The following BTBD8 variants were observed in gnomAD, a reference collection of about 807,000 sequenced individuals.
BTBD8 encodes BTB domain containing 8, also known as BTB/POZ domain-containing protein 8.
Under a neutral mutation model 162.9 loss-of-function variants are expected in BTBD8, and 110 were observed. That is an observed-to-expected ratio of 0.68 (90% confidence interval 0.58 to 0.79). The LOEUF (loss-of-function observed/expected upper bound fraction) is 0.79. Ranked by LOEUF, BTBD8 falls within the 30% of genes least tolerant of loss-of-function variation. BTBD8 has a pLI of 0.00. For missense variants in BTBD8, 1,905 were observed against 2,085.4 expected, an observed-to-expected ratio of 0.91 and a Z score of 1.68; for synonymous variants, 667 against 716.1, an observed-to-expected ratio of 0.93 and a Z score of 1.10.
chr1:92,080,510 C>G lies in BTBD8; in HGVS notation c.-62C>G. 1.3e-6 allele frequency: 2 copies of G among 1,590,346 alleles called. No homozygotes were observed. The highest frequency in any genetic ancestry group is 2.3e-5 in the South Asian group (2 of 87,812). The stretch of plus-strand genomic sequence containing the variant: ...TTCGGTCGGAAACGCCCCCTTCTTC[C>G]TCCTGGGCGGGGCAAGTGAGGCCAA... On this transcript the variant is annotated 5_prime_UTR_variant, in exon 1 of 18. Coordinates refer to ENST00000636805, the MANE Select transcript of BTBD8 (RefSeq NM_001376131.1).
intron 16 of BTBD8, among the ~76,000 whole-genome samples, chr1:92,179,796 A>T (rs1430731323): frequency 6.6e-6 from 1 of 152,204 alleles, no homozygotes; most frequent in Non-Finnish European, 1.5e-5. Context: ...ATGTTTGAAG[A>T]AAACAACTGC....
chr1:92,080,513 C>T lies in BTBD8; in HGVS notation c.-59C>T. On this transcript the variant is annotated 5_prime_UTR_variant, in exon 1 of 18. Coordinates refer to ENST00000636805, the MANE Select transcript of BTBD8 (RefSeq NM_001376131.1). ...GGTCGGAAACGCCCCCTTCTTCCTC[C>T]TGGGCGGGGCAAGTGAGGCCAAGTA... is the stretch of plus-strand genomic sequence containing the variant. The T allele has an allele frequency of 6.3e-7, 1 of 1,591,402 alleles. No individual in the cohort carries two copies. Among genetic ancestry groups the T allele is most frequent in the Non-Finnish European group, 8.5e-7 (1 of 1,173,198 alleles).
intron 9 of BTBD8, among the ~76,000 whole-genome samples, chr1:92,166,565 C>CA (rs781384141): frequency 4.6e-4 from 70 of 151,560 alleles, no homozygotes; most frequent in Admixed American, 8.6e-4. Flanking sequence ...GCTGAGATTA[C>CA]AGGCATGCAC....
At position 92,117,619 on chromosome 1, in the gene BTBD8, A is replaced by G. The variant is rs1649078575; in HGVS notation, c.662+9618A>G. Among the ~76,000 whole-genome samples the G allele has an allele frequency of 2.0e-5, 3 of 151,988 alleles. 1 individual carries two copies. The highest frequency in any genetic ancestry group is 4.8e-5 in the African/African-American group (2 of 41,270). ...GTTTTACCTTATGCACACTCAAATTATATTCAGCCAAAGCTCAAGGGAGGG... is the reference window on the plus strand; with the variant it reads ...GTTTTACCTTATGCACACTCAAATTGTATTCAGCCAAAGCTCAAGGGAGGG... On this transcript the variant is annotated intron_variant, in intron 4 of 17. Transcript: ENST00000636805.
intron 4 of BTBD8, among the ~76,000 whole-genome samples, chr1:92,115,981 G>A (rs1649033603): frequency 6.6e-6 from 1 of 151,926 alleles, no homozygotes; most frequent in African/African-American, 2.4e-5. Flanking sequence ...TCTACAATAA[G>A]CATTTAAAAG....
At position 92,177,560 on chromosome 1, in the gene BTBD8, C is replaced by G; in HGVS notation, c.2353+14C>G. 1 of 1,456,226 alleles carries G rather than the reference C, an allele frequency of 6.9e-7. No individual in the cohort carries two copies. Among genetic ancestry groups the G allele is most frequent in the South Asian group, 1.4e-5 (1 of 73,438 alleles). 90.2% of individuals were successfully genotyped at this position (1,456,226 alleles called of 1,614,324 possible). ...ATTCCACTGTAGGTGGGTTTTAGCACTGTAATTTTTAATATCTCCTGACAG... is the reference window on the plus strand; with the variant it reads ...ATTCCACTGTAGGTGGGTTTTAGCAGTGTAATTTTTAATATCTCCTGACAG... On this transcript the variant is annotated intron_variant, in intron 14 of 17. Coordinates refer to ENST00000636805, the MANE Select transcript of BTBD8 (RefSeq NM_001376131.1).
At chr1:92,139,317 A>C in intron 5 of BTBD8, 33 bp from the exon 6 acceptor site, 1 of 1,544,346 alleles carries the variant, frequency 6.5e-7, no homozygotes, top group Non-Finnish European at 8.6e-7. Context: ...GTTAAACCTT[A>C]ATTCTGGATT....
chr1:92,179,759 GT>G (rs1474231204), intron 16 of BTBD8, among the ~76,000 whole-genome samples: 1 of 152,056 alleles, frequency 6.6e-6, no homozygotes, highest in African/African-American at 2.4e-5. Flanking sequence ...TAATAATCTG[GT>G]TATGACAAGT....
At chr1:92,137,922 T>A (rs1038956297) in intron 5 of BTBD8, among the ~76,000 whole-genome samples, 2 of 152,220 alleles carry the variant, frequency 1.3e-5, no homozygotes, top group African/African-American at 2.4e-5. Context: ...ACACACAGAC[T>A]GTTGTGATCT....
At chr1:92,114,229 A>C (rs1370837301) in intron 4 of BTBD8, among the ~76,000 whole-genome samples, 1 of 152,046 alleles carries the variant, frequency 6.6e-6, no homozygotes, top group African/African-American at 2.4e-5. Flanking sequence ...TAAATGGATT[A>C]TCTATCGATA....
chr1:92,088,148 AT>A (rs35841742), intron 1 of BTBD8, among the ~76,000 whole-genome samples: 5 of 152,148 alleles, frequency 3.3e-5, no homozygotes, highest in African/African-American at 1.2e-4. Context: ...TAAATGTCAC[AT>A]TTTTGACAGC....
chr1:92,106,660 C>CA (rs60676530), intron 3 of BTBD8, among the ~76,000 whole-genome samples: 374 of 9,952 alleles, frequency 0.038, 171 homozygotes, highest in African/African-American at 0.077. Flanking sequence ...GACTCTGTCT[C>CA]AAAAAAAAAA....
At chr1:92,122,625 A>G (rs1649245981) in intron 4 of BTBD8, among the ~76,000 whole-genome samples, 1 of 151,384 alleles carries the variant, frequency 6.6e-6, no homozygotes. Context: ...GTGCAGTGGC[A>G]TGATCTCGGC....
rs906435262 is a variant in BTBD8, at chr1:92,184,188, C to T, written c.5237C>T (p.Thr1746Ile). The change falls in exon 18 of 18, where the codon ACA becomes ATA. Residue 1746 changes from threonine to isoleucine, a missense_variant. Thr to Ile is a moderately conservative substitution (Grantham distance 89). Transcript: ENST00000636805. ...GATAGCTCAAAACCTCAGGGTATAA[C>T]ACATATTGACACTTTGAACAGATGG... ...ARDSSKPQGI[T>I]HIDTLNRWSE... The T allele has an allele frequency of 3.2e-6, 5 of 1,551,560 alleles. No individual in the cohort carries two copies. The African/African-American group carries it at 5.5e-5, about 17-fold the overall frequency.
At chr1:92,160,950 C>A (rs1650259611) in intron 9 of BTBD8, among the ~76,000 whole-genome samples, 1 of 152,174 alleles carries the variant, frequency 6.6e-6, no homozygotes, top group Admixed American at 6.5e-5. Context: ...ATCTAGGCAA[C>A]CCCTGGAAAA....
At chr1:92,179,245 CAAA>C (rs5776142) in intron 16 of BTBD8, among the ~76,000 whole-genome samples, 11 of 137,974 alleles carry the variant, frequency 8.0e-5, no homozygotes, top group Non-Finnish European at 9.5e-5. Context: ...GACTCTATCT[CAAA>C]AAAAAAAAAA....
chr1:92,181,021 C>T lies in BTBD8; in HGVS notation c.3338C>T (p.Thr1113Ile). The T allele has an allele frequency of 6.4e-7, 1 of 1,551,836 alleles. No homozygotes were observed. Among genetic ancestry groups the T allele is most frequent in the South Asian group, 1.2e-5 (1 of 84,062 alleles). Residue 1113 changes from threonine (T) to isoleucine (I), a missense_variant, in exon 17 of 18, where the codon ACA becomes ATA. Coordinates refer to ENST00000636805, the MANE Select transcript of BTBD8 (RefSeq NM_001376131.1). ...NSNPVCDLDS[T>I]SAGQIHLISD... ...AATCCAGTTTGTGATTTAGACTCAA[C>T]AAGTGCAGGGCAAATCCATTTGATA...
intron 5 of BTBD8, among the ~76,000 whole-genome samples, chr1:92,130,762 G>A (rs1287103415): frequency 6.6e-6 from 1 of 152,122 alleles, no homozygotes; most frequent in African/African-American, 2.4e-5. Context: ...CAAGTGGTGG[G>A]ATCTCAGCTC....
At chr1:92,121,473 G>A (rs181548222) in intron 4 of BTBD8, among the ~76,000 whole-genome samples, 8 of 152,084 alleles carry the variant, frequency 5.3e-5, no homozygotes, top group South Asian at 4.2e-4. Flanking sequence ...AACTTATGTC[G>A]TCCTTAAATA....
Sources: allele counts gnomAD v4.1 joint callset (sites outside exome capture counted in the v4.1 genomes callset), GRCh38; gene constraint gnomAD v4.1.1; transcripts MANE v1.5; gene names NCBI Gene and HGNC (gene_info 2026-07-23, HGNC 2026-07-21).